The following SEMA5A variants were observed in gnomAD, a reference collection of about 807,000 sequenced individuals.
SEMA5A encodes the protein semaphorin-5A.
In SEMA5A, 55 loss-of-function variants were observed where a neutral mutation model predicts 135.5. That is an observed-to-expected ratio of 0.41 (90% confidence interval 0.33 to 0.51). SEMA5A has a LOEUF of 0.51. Ranked by LOEUF, SEMA5A falls within the 20% of genes least tolerant of loss-of-function variation. The pLI is 0.37. For missense variants in SEMA5A, 1,290 were observed against 1,419.9 expected (o/e 0.91, Z 1.47); for synonymous variants, 580 against 546.5 (o/e 1.06, Z -0.85).
intron 10 of SEMA5A, among the ~76,000 whole-genome samples, chr5:9,193,386 C>T (rs1745218647): frequency 6.6e-6 from 1 of 152,154 alleles, no homozygotes; most frequent in African/African-American, 2.4e-5. Context: ...GTTTTCATGC[C>T]AACATCTCTT....
intron 3 of SEMA5A, among the ~76,000 whole-genome samples, chr5:9,374,562 T>C (rs1231642852): frequency 1.3e-5 from 2 of 152,110 alleles, no homozygotes; most frequent in Non-Finnish European, 2.9e-5. Context: ...AGAGACCACT[T>C]GTTCAGCTGT....
At chr5:9,212,088 C>T (rs1191997656) in intron 8 of SEMA5A, among the ~76,000 whole-genome samples, 1 of 152,194 alleles carries the variant, frequency 6.6e-6, no homozygotes, top group Non-Finnish European at 1.5e-5. Context: ...TATTAAGCCT[C>T]ATTTAGGAGT....
chr5:9,474,953 A>C (rs1015671627), intron 1 of SEMA5A, among the ~76,000 whole-genome samples: 3 of 152,050 alleles, frequency 2.0e-5, no homozygotes, highest in Non-Finnish European at 4.4e-5. Flanking sequence ...TTATTTACTT[A>C]TTTATTTAGA....
At chr5:9,154,093 A>ATATATATATATATGTGTGTGTGTGTG (rs372321939) in intron 12 of SEMA5A, among the ~76,000 whole-genome samples, 5 of 73,496 alleles carry the variant, frequency 6.8e-5, no homozygotes, top group Admixed American at 1.8e-4. Flanking sequence ...ATATATATAT[A>ATATATATATATATGTGTGTGTGTGTG]TGTGTGTGTG....
intron 2 of SEMA5A, among the ~76,000 whole-genome samples, chr5:9,399,124 T>C (rs533037069): frequency 2.0e-4 from 31 of 152,238 alleles, no homozygotes; most frequent in South Asian, 1.5e-3. Context: ...AAAATATCTG[T>C]TCACATAAAA....
intron 15 of SEMA5A, among the ~76,000 whole-genome samples, chr5:9,111,701 A>T (rs1740250312): frequency 6.6e-6 from 1 of 152,170 alleles, no homozygotes; most frequent in South Asian, 2.1e-4. Flanking sequence ...AGAAATTACT[A>T]GGCTAACTCT....
At chr5:9,463,761 C>T (rs1759145680) in intron 1 of SEMA5A, among the ~76,000 whole-genome samples, 1 of 152,104 alleles carries the variant, frequency 6.6e-6, no homozygotes, top group African/African-American at 2.4e-5. Context: ...GTAGTAGATG[C>T]TAGACCACCA....
intron 3 of SEMA5A, among the ~76,000 whole-genome samples, chr5:9,367,032 A>T (rs1055216380): frequency 6.6e-6 from 1 of 152,238 alleles, no homozygotes; most frequent in Non-Finnish European, 1.5e-5. Context: ...AGGCCAAGGC[A>T]CATGAGTCTC....
At chr5:9,469,675 A>T (rs991283112) in intron 1 of SEMA5A, among the ~76,000 whole-genome samples, 15 of 152,236 alleles carry the variant, frequency 9.9e-5, no homozygotes, top group African/African-American at 3.1e-4. Context: ...GACCCTGAGC[A>T]GGGTAGACAA....
intron 15 of SEMA5A, among the ~76,000 whole-genome samples, chr5:9,109,027 A>AT (rs1305606521): frequency 1.2e-4 from 14 of 118,952 alleles, no homozygotes; most frequent in East Asian, 7.9e-4. Context: ...ATTTCTCTTC[A>AT]ATTTTTTTTT....
chr5:9,200,217 A>T (rs1806111), intron 9 of SEMA5A, among the ~76,000 whole-genome samples: 22,551 of 152,214 alleles, frequency 0.15, 1,928 homozygotes, highest in Admixed American at 0.26. Context: ...GATTCCGTAC[A>T]TTGGGTGACT....
In SEMA5A at chr5:9,407,818, C is replaced by T. The variant is rs144934441; in HGVS notation, c.-77-27795G>A. Among the ~76,000 whole-genome samples, 28 of 152,206 alleles carry T rather than the reference C, an allele frequency of 1.8e-4. No individual in the cohort carries two copies. In the East Asian group the frequency reaches 3.3e-3, roughly 18 times the overall value. ...TAAGCTCTGGATGGTGAGTACCTAG[C>T]GCAAAAGTCACTTTAGGAAAAAGAA... On this transcript the variant is annotated intron_variant, in intron 2 of 22. Coordinates refer to ENST00000382496, the MANE Select transcript of SEMA5A (RefSeq NM_003966.3).
rs573041289 is a variant in SEMA5A at position 9,203,152 on chromosome 5, C to T, written c.647-912G>A. ...AGTACATTTTGAGATACACATACTC[C>T]GTAATATTTGCTTTTAAAACTCTAA... is the stretch of plus-strand genomic sequence containing the variant. On this transcript the variant is annotated intron_variant, in intron 8 of 22. Transcript: ENST00000382496. Among the ~76,000 whole-genome samples, 24 of 152,224 alleles carry T rather than the reference C, an allele frequency of 1.6e-4. 1 individual carries two copies. In the South Asian group the frequency reaches 2.9e-3, roughly 18 times the overall value.
rs1561268990 is a variant in SEMA5A at position 9,457,767 on chromosome 5, T to TA, written c.-174-19916_-174-19915insT. ...AGGTTTTTTTCCTCCAAACAACTTTTCAAAAAAAGAAAAATTAAATACATT... is the reference window on the plus strand; with the variant it reads ...AGGTTTTTTTCCTCCAAACAACTTTTACAAAAAAAGAAAAATTAAATACATT... On this transcript the variant is annotated intron_variant, in intron 1 of 22. Transcript: ENST00000382496. Among the ~76,000 whole-genome samples the TA allele has an allele frequency of 1.3e-4, 20 of 152,168 alleles. No homozygotes were observed. In the East Asian group the frequency reaches 3.7e-3, roughly 28 times the overall value.
chr5:9,241,991 A>T (rs1440637571), intron 5 of SEMA5A, among the ~76,000 whole-genome samples: 1 of 152,232 alleles, frequency 6.6e-6, no homozygotes, highest in Non-Finnish European at 1.5e-5. Context: ...ATTAAACAAA[A>T]CTAGTTTAAT....
chr5:9,080,244 C>G (rs13175728), intron 16 of SEMA5A, among the ~76,000 whole-genome samples: 1 of 151,964 alleles, frequency 6.6e-6, no homozygotes, highest in South Asian at 2.1e-4. Context: ...TCATGTCCTT[C>G]GCAGAGACTT....
chr5:9,271,787 T>C (rs1749987214), intron 5 of SEMA5A, among the ~76,000 whole-genome samples: 1 of 152,094 alleles, frequency 6.6e-6, no homozygotes, highest in African/African-American at 2.4e-5. Context: ...GGGAACTCCC[T>C]CTAGCCAAGG....
chr5:9,484,422 C>T (rs149681282), intron 1 of SEMA5A, among the ~76,000 whole-genome samples: 6 of 152,182 alleles, frequency 3.9e-5, no homozygotes, highest in East Asian at 3.9e-4. Flanking sequence ...GTAGGCAAAT[C>T]GCTGGCTGGC....
chr5:9,397,942 T>C (rs1189778614), intron 2 of SEMA5A, among the ~76,000 whole-genome samples: 1 of 152,144 alleles, frequency 6.6e-6, no homozygotes, highest in African/African-American at 2.4e-5. Context: ...TCATCCTAAC[T>C]CCACAACACC....
Sources: allele counts gnomAD v4.1 joint callset (sites outside exome capture counted in the v4.1 genomes callset), GRCh38; gene constraint gnomAD v4.1.1; transcripts MANE v1.5; gene names NCBI Gene and HGNC (gene_info 2026-07-23, HGNC 2026-07-21).